The following DACH1 variants were observed in gnomAD, a reference collection of about 807,000 sequenced individuals.
DACH1 encodes dachshund homolog 1.
DACH1 carries 12 observed loss-of-function variants against 54.2 expected under a neutral mutation model. The ratio of observed to expected loss-of-function variants is 0.22; its 90% CI spans 0.14 to 0.36. DACH1 has a LOEUF of 0.36. Ranked by LOEUF, DACH1 falls within the 10% of genes least tolerant of loss-of-function variation. The pLI is 1.00. For missense variants in DACH1, 805 were observed against 929.8 expected, an observed-to-expected ratio of 0.87 and a Z score of 1.75; for synonymous variants, 386 against 366.2, an observed-to-expected ratio of 1.05 and a Z score of -0.62.
At chr13:71,692,764 G>A (rs1231705092) in intron 1 of DACH1, among the ~76,000 whole-genome samples, 2 of 151,720 alleles carry the variant, frequency 1.3e-5, no homozygotes, top group Non-Finnish European at 2.9e-5. Context: ...CTCTTGATCC[G>A]CCCATCTCAG....
At chr13:71,465,241 A>G (rs553594258) in intron 10 of DACH1, among the ~76,000 whole-genome samples, 2 of 152,226 alleles carry the variant, frequency 1.3e-5, no homozygotes, top group Admixed American at 6.5e-5. Flanking sequence ...ACTTTCCATA[A>G]CCATGCATTT....
intron 3 of DACH1, chr13:71,573,272 C>G: frequency 1.6e-6 from 1 of 609,330 alleles, no homozygotes; most frequent in Non-Finnish European, 2.9e-6. Context: ...CAGTCTGAAT[C>G]TTGCTTAAAA....
At position 71,674,739 on chromosome 13, in the gene DACH1, T is replaced by TAAGAGTGCTCCATTCAAGTTTGAAAACTA. The variant is rs1555309265; in HGVS notation, c.964+7055_964+7056insTAGTTTTCAAACTTGAATGGAGCACTCTT. On this transcript the variant is annotated intron_variant, in intron 2 of 10. Transcript: ENST00000613252. ...ATTTGTTACGGCAGGCACAGGAAACTAATAAATTGCATGATGAAGTCTAAA... is the reference window on the plus strand; with the variant it reads ...ATTTGTTACGGCAGGCACAGGAAACTAAGAGTGCTCCATTCAAGTTTGAAAACTAAATAAATTGCATGATGAAGTCTAAA... 6.6e-5 allele frequency among the ~76,000 whole-genome samples: 10 copies of TAAGAGTGCTCCATTCAAGTTTGAAAACTA among 150,726 alleles called. 1 individual carries two copies.
intron 1 of DACH1, among the ~76,000 whole-genome samples, chr13:71,847,145 C>A (rs1026644419): frequency 1.3e-5 from 2 of 152,010 alleles, no homozygotes; most frequent in Admixed American, 6.6e-5. Flanking sequence ...CTTAAACTAC[C>A]ATTAGCATAT....
At chr13:71,441,858 T>G (rs1259860224) in intron 10 of DACH1, among the ~76,000 whole-genome samples, 1 of 152,020 alleles carries the variant, frequency 6.6e-6, no homozygotes. Context: ...ATTCCTCTCA[T>G]TTTTTTCTAT....
intron 1 of DACH1, among the ~76,000 whole-genome samples, chr13:71,839,992 A>G (rs1163203445): frequency 6.6e-6 from 1 of 151,982 alleles, no homozygotes; most frequent in Non-Finnish European, 1.5e-5. Flanking sequence ...TGTCACCCAG[A>G]CTGGAGTGCA....
intron 6 of DACH1, among the ~76,000 whole-genome samples, chr13:71,542,048 G>C (rs1456054969): frequency 1.3e-5 from 2 of 150,256 alleles, no homozygotes; most frequent in African/African-American, 4.9e-5. Context: ...AGGAGTTCGA[G>C]ACCAGCCTGA....
intron 1 of DACH1, among the ~76,000 whole-genome samples, chr13:71,730,996 TAC>T (rs1404161100): frequency 1.3e-5 from 2 of 152,060 alleles, no homozygotes; most frequent in Non-Finnish European, 2.9e-5. Flanking sequence ...TCAAACGGAA[TAC>T]AGTTATAGCA....
intron 10 of DACH1, among the ~76,000 whole-genome samples, chr13:71,460,281 T>C (rs548243849): frequency 6.6e-6 from 1 of 152,260 alleles, no homozygotes; most frequent in South Asian, 2.1e-4. Context: ...CATCTTTTCC[T>C]GTGTTGATTT....
rs1169853283 is a variant in DACH1, at chr13:71,599,855, G to GCA, written c.1127-26845_1127-26844dup. The stretch of plus-strand genomic sequence containing the variant: ...CACACACACACACACACACACACAC[G>GCA]CACACACATAAGATAATTTAGAGGA... On this transcript the variant is annotated intron_variant, in intron 3 of 10. Coordinates refer to ENST00000613252, the MANE Select transcript of DACH1 (RefSeq NM_080759.6). Among the ~76,000 whole-genome samples, 3 of 101,556 alleles carry GCA rather than the reference G, an allele frequency of 3.0e-5. No individual in the cohort carries two copies. In the South Asian group the frequency reaches 1.0e-3, roughly 36 times the overall value. The allele number at this position is 101,556 out of a possible 152,430, so 66.6% of individuals were successfully genotyped here. A position where few individuals can be genotyped will look rare whatever the true frequency, so the allele number is the denominator to read the frequency against.
chr13:71,605,046 GATGCAGTTCACTTTAAGAAA>G (rs1408941618), intron 3 of DACH1, among the ~76,000 whole-genome samples: 10 of 151,854 alleles, frequency 6.6e-5, no homozygotes, highest in Admixed American at 6.6e-4. Context: ...AATCACTATA[GATGCAGTTCACTTTAAGAAA>G]ATGCATTATA....
intron 4 of DACH1, among the ~76,000 whole-genome samples, chr13:71,569,660 A>T (rs539897243): frequency 4.8e-4 from 73 of 152,222 alleles, no homozygotes; most frequent in Non-Finnish European, 9.4e-4. Flanking sequence ...AAACAGCTAA[A>T]CAAAGAATAT....
intron 3 of DACH1, among the ~76,000 whole-genome samples, chr13:71,629,157 CTGTTT>C (rs1358752328): frequency 1.3e-5 from 2 of 152,088 alleles, no homozygotes; most frequent in African/African-American, 2.4e-5. Context: ...TGCTTCAATT[CTGTTT>C]TAATTTTTAA....
chr13:71,809,337 A>G (rs1164734162), intron 1 of DACH1, among the ~76,000 whole-genome samples: 2 of 152,000 alleles, frequency 1.3e-5, no homozygotes, highest in Non-Finnish European at 2.9e-5. Context: ...CACCTGACTA[A>G]CTTTTTTGTT....
intron 3 of DACH1, among the ~76,000 whole-genome samples, chr13:71,603,344 G>A (rs577466313): frequency 6.6e-6 from 1 of 152,068 alleles, no homozygotes; most frequent in South Asian, 2.1e-4. Context: ...TAAAGTCACT[G>A]TAAGAGGGCA....
intron 3 of DACH1, among the ~76,000 whole-genome samples, chr13:71,623,853 T>C (rs1876437174): frequency 6.6e-6 from 1 of 151,892 alleles, no homozygotes; most frequent in South Asian, 2.1e-4. Context: ...TTTGGCTGTG[T>C]CTAGAAGGAC....
At chr13:71,745,186 C>T (rs1360139779) in intron 1 of DACH1, among the ~76,000 whole-genome samples, 1 of 151,974 alleles carries the variant, frequency 6.6e-6, no homozygotes, top group African/African-American at 2.4e-5. Context: ...CTATTTCTTT[C>T]CACAAATCTC....
intron 1 of DACH1, among the ~76,000 whole-genome samples, chr13:71,682,406 G>A (rs1394444911): frequency 6.6e-6 from 1 of 152,146 alleles, no homozygotes; most frequent in African/African-American, 2.4e-5. Flanking sequence ...CAGTTAGCTG[G>A]GAGGTGGAAT....
At chr13:71,503,157 T>G (rs1880055043) in intron 6 of DACH1, among the ~76,000 whole-genome samples, 1 of 152,152 alleles carries the variant, frequency 6.6e-6, no homozygotes, top group Non-Finnish European at 1.5e-5. Context: ...AACAACTGAT[T>G]ACAAGTATAT....
Sources: gnomAD v4.1 joint callset for allele counts (sites outside exome capture counted in the v4.1 genomes callset) on GRCh38, gnomAD v4.1.1 for gene constraint, MANE v1.5 for transcripts, NCBI Gene and HGNC (gene_info 2026-07-23, HGNC 2026-07-21) for gene names.